ZNF385D: variants seen among roughly 807,000 people sequenced by gnomAD.
ZNF385D encodes the protein zinc finger protein 385D, also known as zinc finger protein 659.
ZNF385D carries 15 observed loss-of-function variants against 35.8 expected under a neutral mutation model. The observed-to-expected ratio is 0.42, with a 90% CI of 0.28 to 0.64. ZNF385D has a LOEUF of 0.64. Ranked by LOEUF, ZNF385D falls within the 30% of genes least tolerant of loss-of-function variation. The pLI is 0.23. For synonymous variants in ZNF385D, 212 were observed against 186.8 expected, an observed-to-expected ratio of 1.13 and a Z score of -1.10; for missense variants, 474 against 494.6, an observed-to-expected ratio of 0.96 and a Z score of 0.39.
At chr3:21,784,689 T>C (rs557098802) in intron 3 of ZNF385D, among the ~76,000 whole-genome samples, 1 of 152,038 alleles carries the variant, frequency 6.6e-6, no homozygotes, top group South Asian at 2.1e-4. Flanking sequence ...GTATATAACA[T>C]GATGTTTTAG....
rs957839873 is a variant in ZNF385D, at chr3:22,178,888, T to G, written c.107-9853A>C. Among the ~76,000 whole-genome samples, 5 of 152,298 alleles carry G rather than the reference T, an allele frequency of 3.3e-5. No homozygotes were observed. The South Asian group carries it at 6.2e-4, about 19-fold the overall frequency. ...TTTGCCAGGTTTGTCAAAGATCAGA[T>G]AGTTGTAGATATGTGGCATTATTTC... is the stretch of plus-strand genomic sequence containing the variant. On this transcript the variant is annotated intron_variant, in intron 2 of 5. Coordinates refer to the ZNF385D transcript ENST00000494108.
chr3:21,473,462 C>A (rs913841719), intron 4 of ZNF385D, among the ~76,000 whole-genome samples: 1 of 151,958 alleles, frequency 6.6e-6, no homozygotes, highest in Non-Finnish European at 1.5e-5. Flanking sequence ...TCTGGTTTGT[C>A]TGGGGAAATG....
intron 2 of ZNF385D, among the ~76,000 whole-genome samples, chr3:21,655,126 C>G (rs1559493092): frequency 6.6e-6 from 1 of 151,912 alleles, no homozygotes; most frequent in Non-Finnish European, 1.5e-5. Context: ...ACAACAACAA[C>G]AACAAAATGC....
intron 3 of ZNF385D, among the ~76,000 whole-genome samples, chr3:21,864,866 C>G (rs972514076): frequency 6.6e-6 from 1 of 151,558 alleles, no homozygotes; most frequent in Non-Finnish European, 1.5e-5. Context: ...AAATGTAGGT[C>G]AAGTAAATAC....
At chr3:21,810,772 A>G (rs547524448) in intron 3 of ZNF385D, among the ~76,000 whole-genome samples, 5 of 152,110 alleles carry the variant, frequency 3.3e-5, no homozygotes, top group African/African-American at 1.2e-4. Flanking sequence ...ATGAAGCTGG[A>G]GACATCCCTA....
intron 3 of ZNF385D, among the ~76,000 whole-genome samples, chr3:21,969,950 G>C (rs1703144080): frequency 1.3e-5 from 2 of 152,104 alleles, no homozygotes; most frequent in Non-Finnish European, 2.9e-5. Context: ...TTTTACCCAA[G>C]ACCTCCAATC....
chr3:21,605,999 ACT>A (rs1400266844), intron 2 of ZNF385D, among the ~76,000 whole-genome samples: 1 of 151,776 alleles, frequency 6.6e-6, no homozygotes, highest in Admixed American at 6.6e-5. Flanking sequence ...ACCTCCTTCC[ACT>A]CTGACTTTCT....
At chr3:21,946,121 G>A (rs947601988) in intron 3 of ZNF385D, among the ~76,000 whole-genome samples, 1 of 152,072 alleles carries the variant, frequency 6.6e-6, no homozygotes, top group African/African-American at 2.4e-5. Context: ...GTCATACACC[G>A]GTGAACCACA....
At chr3:22,031,401 C>CA (rs1292820537) in intron 3 of ZNF385D, among the ~76,000 whole-genome samples, 3 of 152,094 alleles carry the variant, frequency 2.0e-5, no homozygotes, top group African/African-American at 7.2e-5. Context: ...CAGAGGTTCC[C>CA]AAAACCTCAG....
intron 2 of ZNF385D, among the ~76,000 whole-genome samples, chr3:22,238,060 A>T (rs1699288814): frequency 1.3e-5 from 2 of 150,974 alleles, no homozygotes; most frequent in African/African-American, 4.9e-5. Context: ...TGAAAAGATG[A>T]TTCTTTCTCT....
At chr3:21,672,979 C>T (rs2066620999) in intron 1 of ZNF385D, among the ~76,000 whole-genome samples, 1 of 152,112 alleles carries the variant, frequency 6.6e-6, no homozygotes, top group African/African-American at 2.4e-5. Flanking sequence ...CTCTGTACTG[C>T]AGCCCCTTTG....
At chr3:21,708,072 A>G (rs1559538773) in intron 1 of ZNF385D, among the ~76,000 whole-genome samples, 1 of 152,196 alleles carries the variant, frequency 6.6e-6, no homozygotes, top group Non-Finnish European at 1.5e-5. Context: ...GCTAGAAATG[A>G]TATCTTCATT....
chr3:21,894,413 G>T (rs1016592404), intron 3 of ZNF385D, among the ~76,000 whole-genome samples: 1 of 152,092 alleles, frequency 6.6e-6, no homozygotes, highest in African/African-American at 2.4e-5. Context: ...AATGTTTGAA[G>T]CCAAAAACAT....
chr3:21,421,273 G>A lies in ZNF385D; in HGVS notation c.1129C>T (p.Arg377Trp). The A allele has an allele frequency of 6.2e-7, 1 of 1,614,132 alleles. No individual in the cohort carries two copies. The highest frequency in any genetic ancestry group is 1.1e-5 in the South Asian group (1 of 91,082). ...GTCCGAATGGGTCCAGGAGCTGGCC[G>A]CAGGAGTGCCGGAGGAAGCGCGGAA... ...QTSALPPALL[R>W]PAPGPIRTAH... is the part of the protein sequence containing the mutation. Residue 377 changes from arginine to tryptophan, a missense_variant, in exon 8 of 8, where the codon CGG (arginine) becomes TGG (tryptophan). By Grantham distance (101) the Arg-to-Trp change is moderately radical. Coordinates refer to ENST00000281523, the MANE Select transcript of ZNF385D (RefSeq NM_024697.3).
At chr3:21,491,453 T>A (rs1705420620) in intron 4 of ZNF385D, among the ~76,000 whole-genome samples, 1 of 152,132 alleles carries the variant, frequency 6.6e-6, no homozygotes, top group Non-Finnish European at 1.5e-5. Context: ...AAAAAAACCC[T>A]GCCTACTTAA....
chr3:22,346,780 T>C (rs1695676669), intron 2 of ZNF385D, among the ~76,000 whole-genome samples: 1 of 152,154 alleles, frequency 6.6e-6, no homozygotes, highest in South Asian at 2.1e-4. Flanking sequence ...ATCATGAAAA[T>C]ACAGACAAGG....
At chr3:21,896,075 A>G (rs1305202003) in intron 3 of ZNF385D, among the ~76,000 whole-genome samples, 2 of 152,158 alleles carry the variant, frequency 1.3e-5, no homozygotes, top group Non-Finnish European at 2.9e-5. Context: ...TCTCTTCGAC[A>G]TTTGGAATTA....
At chr3:21,943,581 T>A (rs982524558) in intron 3 of ZNF385D, among the ~76,000 whole-genome samples, 2 of 151,972 alleles carry the variant, frequency 1.3e-5, no homozygotes, top group African/African-American at 4.8e-5. Flanking sequence ...AATAGCAACA[T>A]GTACTCAACA....
chr3:21,481,098 G>A (rs1017555706), intron 4 of ZNF385D, among the ~76,000 whole-genome samples: 2 of 152,270 alleles, frequency 1.3e-5, no homozygotes, highest in South Asian at 2.1e-4. Context: ...CTGAGCAATC[G>A]CTGATAGTGA....
Sources: allele counts gnomAD v4.1 joint callset (sites outside exome capture counted in the v4.1 genomes callset), GRCh38; gene constraint gnomAD v4.1.1; transcripts MANE v1.5; gene names NCBI Gene and HGNC (gene_info 2026-07-23, HGNC 2026-07-21).